SPTY2D1: variants seen among roughly 807,000 people sequenced by gnomAD.
SPTY2D1 encodes SPT2 chromatin protein domain containing 1.
SPTY2D1 carries 21 observed loss-of-function variants against 64.0 expected under a neutral mutation model. The ratio of observed to expected loss-of-function variants is 0.33; its 90% CI spans 0.23 to 0.47. The LOEUF is 0.47. SPTY2D1 is among the 20% of genes least tolerant of loss of function. The pLI, the probability that SPTY2D1 is intolerant of heterozygous loss-of-function variation, is 1.00. For synonymous variants in SPTY2D1, 287 were observed against 286.8 expected, an observed-to-expected ratio of 1.00 and a Z score of -0.01; for missense variants, 724 against 837.2, an observed-to-expected ratio of 0.86 and a Z score of 1.67.
intron 1 of SPTY2D1, among the ~76,000 whole-genome samples, chr11:18,627,141 G>A (rs565290121): frequency 2.0e-5 from 3 of 151,994 alleles, no homozygotes; most frequent in African/African-American, 7.2e-5. Flanking sequence ...GGCCAGGCAT[G>A]GTGGCTCATG....
At chr11:18,630,322 A>G (rs1854567817) in intron 1 of SPTY2D1, among the ~76,000 whole-genome samples, 1 of 152,056 alleles carries the variant, frequency 6.6e-6, no homozygotes, top group Admixed American at 6.6e-5. Context: ...TAAAAATACA[A>G]AAATTAGCTG....
intron 1 of SPTY2D1, among the ~76,000 whole-genome samples, chr11:18,627,025 C>A (rs937631775): frequency 6.6e-6 from 1 of 152,132 alleles, no homozygotes; most frequent in Admixed American, 6.5e-5. Context: ...ACTTTGGAGA[C>A]AGAGTCTTGG....
chr11:18,618,915 A>G (rs1854345748), intron 1 of SPTY2D1, among the ~76,000 whole-genome samples: 1 of 152,206 alleles, frequency 6.6e-6, no homozygotes, highest in Admixed American at 6.5e-5. Flanking sequence ...TCCCTAATAG[A>G]GAGAAGTCCC....
At chr11:18,622,088 A>AAAAAAAAAAAAAAAAAAAAAAAAAAAC (rs1320486324) in intron 1 of SPTY2D1, among the ~76,000 whole-genome samples, 1 of 145,006 alleles carries the variant, frequency 6.9e-6, no homozygotes, top group African/African-American at 2.5e-5. Flanking sequence ...CCCTATCTCA[A>AAAAAAAAAAAAAAAAAAAAAAAAAAAC]AAAAAAAAAA....
At chr11:18,610,051 G>A (rs1854173508) in intron 5 of SPTY2D1, 97 bp from the exon 6 acceptor site, 6 of 1,050,064 alleles carry the variant, frequency 5.7e-6, no homozygotes, top group South Asian at 1.5e-5. Flanking sequence ...CACATGGATT[G>A]TGCTGATGCT....
At chr11:18,624,296 C>G (rs11024739) in intron 1 of SPTY2D1, among the ~76,000 whole-genome samples, 1 of 151,924 alleles carries the variant, frequency 6.6e-6, no homozygotes, top group Admixed American at 6.6e-5. Flanking sequence ...CCTCGCATCA[C>G]ATGGTCATAT....
intron 1 of SPTY2D1, among the ~76,000 whole-genome samples, chr11:18,632,774 TC>T (rs1854609357): frequency 6.6e-6 from 1 of 152,248 alleles, no homozygotes; most frequent in Non-Finnish European, 1.5e-5. Flanking sequence ...TGTCTGCTTT[TC>T]TCCCAGCAGC....
At chr11:18,626,428 C>CA (rs11307645) in intron 1 of SPTY2D1, among the ~76,000 whole-genome samples, 7 of 149,086 alleles carry the variant, frequency 4.7e-5, no homozygotes, top group African/African-American at 1.7e-4. Flanking sequence ...AACAAACAAA[C>CA]AAAAAAAAAA....
intron 1 of SPTY2D1, among the ~76,000 whole-genome samples, chr11:18,629,223 C>T (rs1389132563): frequency 1.3e-5 from 2 of 152,112 alleles, no homozygotes; most frequent in Admixed American, 6.6e-5. Context: ...TGTGATGGCC[C>T]GGTGTGGTGG....
rs547323570 is a variant in SPTY2D1 at position 18,632,094 on chromosome 11, C to A, written c.60+2104G>T. Among the ~76,000 whole-genome samples the A allele has an allele frequency of 4.6e-5, 7 of 151,456 alleles. No individual in the cohort carries two copies. In the South Asian group the frequency reaches 1.5e-3, roughly 32 times the overall value. On this transcript the variant is annotated intron_variant, in intron 1 of 5. Coordinates refer to ENST00000336349, the MANE Select transcript of SPTY2D1 (RefSeq NM_194285.3). ...TCAGCAGGTGGAGGCTGCAGTGAGC[C>A]GAGACCATGCCACTGCACTCCAGCC...
At chr11:18,628,068 T>C (rs1854527868) in intron 1 of SPTY2D1, among the ~76,000 whole-genome samples, 1 of 152,094 alleles carries the variant, frequency 6.6e-6, no homozygotes, top group African/African-American at 2.4e-5. Context: ...AAAACCTGAC[T>C]GAGATAAGAG....
At chr11:18,610,130 G>A in intron 5 of SPTY2D1, 176 bp from the exon 6 acceptor site, 1 of 505,790 alleles carries the variant, frequency 2.0e-6, no homozygotes, top group Admixed American at 3.7e-5. Context: ...AGGGGCCACA[G>A]ACTCAAATTG....
intron 1 of SPTY2D1, among the ~76,000 whole-genome samples, chr11:18,624,583 CA>C (rs1203702650): frequency 1.3e-5 from 2 of 152,182 alleles, no homozygotes; most frequent in Admixed American, 6.5e-5. Flanking sequence ...AATATTAAGC[CA>C]CTTTAAAACA....
chr11:18,629,258 T>C (rs1413432704), intron 1 of SPTY2D1, among the ~76,000 whole-genome samples: 1 of 152,200 alleles, frequency 6.6e-6, no homozygotes, highest in Non-Finnish European at 1.5e-5. Context: ...TCCAGCACTT[T>C]GTGAGGCCAA....
At chr11:18,621,493 AG>A (rs1235284082) in intron 1 of SPTY2D1, among the ~76,000 whole-genome samples, 2 of 152,114 alleles carry the variant, frequency 1.3e-5, no homozygotes, top group Non-Finnish European at 2.9e-5. Context: ...TTTTTTTCAA[AG>A]TATACACCTA....
rs747141174 is a variant in SPTY2D1 at position 18,615,201 on chromosome 11, G to A, written c.1073C>T (p.Thr358Ile). Residue 358 changes from threonine to isoleucine, a missense_variant, in exon 3 of 6, where the codon ACC becomes ATC. Thr to Ile is a moderately conservative substitution (Grantham distance 89). This residue lies in a region of SPTY2D1 where 426 missense variants were observed against 431.8 expected (regional missense o/e 0.99). Coordinates refer to ENST00000336349, the MANE Select transcript of SPTY2D1 (RefSeq NM_194285.3). ...TGGACTCTTAGCCTTATTGTGTGGGGTGACCATGGGCCCAGGCCTGGAATG... is the reference window on the plus strand; with the variant it reads ...TGGACTCTTAGCCTTATTGTGTGGGATGACCATGGGCCCAGGCCTGGAATG... ...PSHSRPGPMV[T>I]PHNKAKSPGV... 1 of 1,614,260 alleles carries A rather than the reference G, an allele frequency of 6.2e-7. No individual in the cohort carries two copies. The highest frequency in any genetic ancestry group is 8.5e-7 in the Non-Finnish European group (1 of 1,180,044).
intron 3 of SPTY2D1, among the ~76,000 whole-genome samples, chr11:18,613,052 C>T (rs1225928317): frequency 1.3e-5 from 2 of 152,194 alleles, no homozygotes; most frequent in Non-Finnish European, 2.9e-5. Context: ...GCGGCGCCAC[C>T]GCGCCCGGCC....
chr11:18,612,769 C>G lies in SPTY2D1; in HGVS notation c.1712-281G>C, dbSNP rs1012045262. Among the ~76,000 whole-genome samples, 1 of 143,058 alleles carries G rather than the reference C, an allele frequency of 7.0e-6. No homozygotes were observed. The highest frequency in any genetic ancestry group is 7.0e-5 in the Admixed American group (1 of 14,224). 93.9% of individuals were successfully genotyped at this position (143,058 alleles called of 152,430 possible). On this transcript the variant is annotated intron_variant, in intron 3 of 5. Coordinates refer to ENST00000336349, the MANE Select transcript of SPTY2D1 (RefSeq NM_194285.3). The surrounding 1 kb of genome is among the most constrained non-coding windows in gnomAD (Gnocchi z 4.6). ...TAAGATCAGTAAAATTTCTTTCTTT[C>G]TTTTTTTTTTTTTTGAGACAGAGTT...
chr11:18,617,227 G>C (rs1854313355), intron 1 of SPTY2D1, among the ~76,000 whole-genome samples: 1 of 152,072 alleles, frequency 6.6e-6, no homozygotes, highest in Non-Finnish European at 1.5e-5. Context: ...ATGCATAAAT[G>C]AACAATTCAC....
Sources: allele counts gnomAD v4.1 joint callset (sites outside exome capture counted in the v4.1 genomes callset), GRCh38; gene constraint gnomAD v4.1.1; regional missense constraint gnomAD v4.1.1; non-coding constraint Gnocchi (gnomAD v3.1); transcripts MANE v1.5; gene names NCBI Gene and HGNC (gene_info 2026-07-23, HGNC 2026-07-21).